Variants in KIAA1217 observed in about 807,000 individuals in gnomAD.
KIAA1217 encodes sickle tail protein homolog.
KIAA1217 carries 88 observed loss-of-function variants against 163.9 expected under a neutral mutation model. That is an observed-to-expected ratio of 0.54 (90% confidence interval 0.45 to 0.64). The LOEUF is 0.64. Among genes scored for constraint, KIAA1217 ranks in the 30% least tolerant of loss-of-function variants. KIAA1217 has a pLI of 0.00. For missense variants in KIAA1217, 2,372 were observed against 2,475.0 expected (o/e 0.96, Z 0.88); for synonymous variants, 903 against 923.1 (o/e 0.98, Z 0.39).
chr10:24,254,218 G>A (rs1188500618), intron 2 of KIAA1217, among the ~76,000 whole-genome samples: 1 of 152,240 alleles, frequency 6.6e-6, no homozygotes, highest in African/African-American at 2.4e-5. Context: ...ACAGGGAGAT[G>A]TTGTGAGTCC....
chr10:23,712,332 T>C (rs79803488), intron 1 of KIAA1217, among the ~76,000 whole-genome samples: 3,105 of 151,864 alleles, frequency 0.02, 95 homozygotes, highest in African/African-American at 0.067. Context: ...GACTGGGAGA[T>C]GGTCTTAGAA....
chr10:24,401,621 C>T (rs2056537193), intron 3 of KIAA1217, among the ~76,000 whole-genome samples: 1 of 152,136 alleles, frequency 6.6e-6, no homozygotes, highest in African/African-American at 2.4e-5. Context: ...GAGCATCTAC[C>T]AGAAACCTAC....
intron 1 of KIAA1217, among the ~76,000 whole-genome samples, chr10:23,978,247 T>A (rs960141831): frequency 1.3e-5 from 2 of 152,168 alleles, no homozygotes; most frequent in Non-Finnish European, 2.9e-5. Context: ...CCATGTTCTG[T>A]CTTTATGCTG....
At chr10:23,832,581 C>A (rs74498378) in intron 1 of KIAA1217, among the ~76,000 whole-genome samples, 42 of 152,236 alleles carry the variant, frequency 2.8e-4, no homozygotes, top group African/African-American at 1.0e-3. Context: ...AGCCACCTCC[C>A]CATCCTAGGG....
At chr10:24,515,928 A>C (rs1442888195) in intron 10 of KIAA1217, among the ~76,000 whole-genome samples, 2 of 152,192 alleles carry the variant, frequency 1.3e-5, no homozygotes, top group Non-Finnish European at 2.9e-5. Context: ...AAAATTAGCC[A>C]GCTGTGGTGG....
intron 1 of KIAA1217, among the ~76,000 whole-genome samples, chr10:23,941,056 C>T (rs979280824): frequency 8.5e-5 from 13 of 152,292 alleles, no homozygotes; most frequent in African/African-American, 3.1e-4. Flanking sequence ...GGTTCAAGTG[C>T]CTACAGCCCT....
intron 3 of KIAA1217, among the ~76,000 whole-genome samples, chr10:24,389,566 A>C (rs2054556041): frequency 6.6e-6 from 1 of 151,766 alleles, no homozygotes; most frequent in South Asian, 2.1e-4. Flanking sequence ...AAAAAAAGAA[A>C]GAAAGAAAAT....
chr10:24,294,049 G>A (rs139802849), intron 2 of KIAA1217, among the ~76,000 whole-genome samples: 2,501 of 151,964 alleles, frequency 0.016, 63 homozygotes, highest in African/African-American at 0.057. Flanking sequence ...AAAAATAGCC[G>A]GGCGTGGTGG....
intron 2 of KIAA1217, among the ~76,000 whole-genome samples, chr10:24,110,912 AT>A (rs1176040658): frequency 6.6e-6 from 1 of 152,098 alleles, no homozygotes; most frequent in Admixed American, 6.6e-5. Flanking sequence ...TTTTTAAGTT[AT>A]TTTTTTCAGT....
intron 1 of KIAA1217, among the ~76,000 whole-genome samples, chr10:23,988,043 TA>T (rs938745784): frequency 2.8e-5 from 4 of 144,436 alleles, no homozygotes; most frequent in African/African-American, 9.8e-5. Context: ...TTTTTATTTT[TA>T]TTTTTTTTTA....
chr10:24,367,780 T>C (rs886490439), intron 2 of KIAA1217, among the ~76,000 whole-genome samples: 1 of 152,262 alleles, frequency 6.6e-6, no homozygotes, highest in Non-Finnish European at 1.5e-5. Context: ...CTTACAAGTA[T>C]TAACTTCTCA....
chr10:23,920,590 T>C lies in KIAA1217; in HGVS notation c.-320-86635T>C, dbSNP rs188362240. Reference sequence around the variant, plus strand: ...TTTGAAGACATTAAGGCTAATTCCTTCTTTTGTCTCTCTATTTATCTCTTA... The same window carrying C: ...TTTGAAGACATTAAGGCTAATTCCTCCTTTTGTCTCTCTATTTATCTCTTA... On this transcript the variant is annotated intron_variant, in intron 1 of 18. Transcript: ENST00000376462. 3.3e-4 allele frequency among the ~76,000 whole-genome samples: 51 copies of C among 152,254 alleles called. 2 individuals carry two copies. Among genetic ancestry groups the C allele is most frequent in the Admixed American group, 3.1e-3 (48 of 15,302 alleles).
intron 2 of KIAA1217, among the ~76,000 whole-genome samples, chr10:24,346,167 G>C (rs554427599): frequency 3.9e-5 from 6 of 152,208 alleles, no homozygotes; most frequent in Admixed American, 2.0e-4. Flanking sequence ...CCTTTTTAAG[G>C]CTTAATAATA....
At chr10:23,867,978 G>A (rs1181723576) in intron 1 of KIAA1217, among the ~76,000 whole-genome samples, 2 of 152,158 alleles carry the variant, frequency 1.3e-5, no homozygotes, top group Non-Finnish European at 2.9e-5. Context: ...GATTTTTATG[G>A]TTTTAGGTCT....
intron 1 of KIAA1217, among the ~76,000 whole-genome samples, chr10:23,780,237 A>T (rs1019861252): frequency 6.6e-6 from 1 of 152,194 alleles, no homozygotes; most frequent in Non-Finnish European, 1.5e-5. Context: ...AAGTTAACAC[A>T]TCCATTGTCT....
chr10:24,544,351 C>T lies in KIAA1217; in HGVS notation c.5081C>T (p.Ser1694Phe). 1 of 1,614,194 alleles carries T rather than the reference C, an allele frequency of 6.2e-7. No homozygotes were observed. The highest frequency in any genetic ancestry group is 1.7e-5 in the Admixed American group (1 of 60,022). ...AAAGCCCTAGTTGATACCTCATGTT[C>T]TTCCAACAGAGATTCTGTTGCAAGT... ...SPKALVDTSC[S>F]SNRDSVASSS... The change falls in exon 19 of 21, where the codon TCT becomes TTT. Residue 1694 changes from serine to phenylalanine, a missense_variant. Physicochemically the swap from Ser to Phe is radical, Grantham distance 155. Coordinates refer to ENST00000376454, the MANE Select transcript of KIAA1217 (RefSeq NM_019590.5).
intron 2 of KIAA1217, among the ~76,000 whole-genome samples, chr10:24,070,852 A>G (rs2061160422): frequency 1.3e-5 from 2 of 152,154 alleles, no homozygotes; most frequent in South Asian, 4.2e-4. Context: ...ATTCTAGATG[A>G]TCATTGTTTT....
At chr10:24,163,425 AT>A (rs1189166865) in intron 2 of KIAA1217, among the ~76,000 whole-genome samples, 1 of 152,224 alleles carries the variant, frequency 6.6e-6, no homozygotes, top group East Asian at 1.9e-4. Flanking sequence ...CTTAATTGCC[AT>A]TAAGAAATGT....
chr10:23,903,478 G>T (rs1035598014), intron 1 of KIAA1217, among the ~76,000 whole-genome samples: 3 of 152,120 alleles, frequency 2.0e-5, no homozygotes, highest in African/African-American at 7.2e-5. Context: ...AAACTGTAGT[G>T]TTATGCCTAG....
Sources: gnomAD v4.1 joint callset for allele counts (sites outside exome capture counted in the v4.1 genomes callset) on GRCh38, gnomAD v4.1.1 for gene constraint, MANE v1.5 for transcripts, NCBI Gene and HGNC (gene_info 2026-07-23, HGNC 2026-07-21) for gene names.